The following TDRD5 variants were observed in gnomAD, a reference collection of about 807,000 sequenced individuals.
TDRD5 encodes the protein tudor domain-containing protein 5.
Under a neutral mutation model 120.6 loss-of-function variants are expected in TDRD5, and 41 were observed. The observed-to-expected ratio is 0.34, with a 90% CI of 0.26 to 0.44. TDRD5 has a LOEUF of 0.44. Among genes scored for constraint, TDRD5 ranks in the 20% least tolerant of loss-of-function variants. The pLI, the probability that TDRD5 is intolerant of heterozygous loss-of-function variation, is 1.00. For missense variants in TDRD5, 1,006 were observed against 1,221.2 expected (o/e 0.82, Z 2.63); for synonymous variants, 430 against 433.7 (o/e 0.99, Z 0.11).
Position 179,672,917 on chromosome 1 carries a change from T to C in TDRD5, c.2860+3513T>C, listed in dbSNP as rs1486857383. ...AATCAGTTGGCTGTAAGTATTTGGC[T>C]TTGTTTTTGGGTTCCCTATTCTGTT... On this transcript the variant is annotated intron_variant, in intron 17 of 17. Coordinates refer to ENST00000444136, the MANE Select transcript of TDRD5 (RefSeq NM_001199085.3). Among the ~76,000 whole-genome samples, 3 of 152,270 alleles carry C rather than the reference T, an allele frequency of 2.0e-5. No homozygotes were observed. The East Asian group carries it at 5.8e-4, about 29-fold the overall frequency.
In TDRD5 at chr1:179,675,285, T is replaced by TATCTTA. The variant is rs772166890; in HGVS notation, c.2860+5881_2860+5882insATCTTA. 4.9e-4 allele frequency among the ~76,000 whole-genome samples: 63 copies of TATCTTA among 128,442 alleles called. 2 individuals are homozygous for TATCTTA. In the East Asian group the frequency reaches 0.012, roughly 25 times the overall value. The allele number at this position is 128,442 out of a possible 152,430, so 84.3% of individuals were successfully genotyped here. A position where few individuals can be genotyped will look rare whatever the true frequency, so the allele number is the denominator to read the frequency against. ...TATTATTATTATTATTTTTTTTTTTTTTTTTTTTTTTTGAGACGGAGTCTC... is the reference window on the plus strand; with the variant it reads ...TATTATTATTATTATTTTTTTTTTTTATCTTATTTTTTTTTTTTGAGACGGAGTCTC... On this transcript the variant is annotated intron_variant, in intron 17 of 17. Coordinates refer to ENST00000444136, the MANE Select transcript of TDRD5 (RefSeq NM_001199085.3).
At chr1:179,685,775 T>C (rs1244402520) in intron 17 of TDRD5, among the ~76,000 whole-genome samples, 1 of 152,202 alleles carries the variant, frequency 6.6e-6, no homozygotes, top group Non-Finnish European at 1.5e-5. Flanking sequence ...GTAAATTGGA[T>C]TCCTAGGTAT....
chr1:179,667,161 G>T (rs1160879231), intron 16 of TDRD5, among the ~76,000 whole-genome samples: 1 of 152,200 alleles, frequency 6.6e-6, no homozygotes, highest in African/African-American at 2.4e-5. Context: ...CCACTTTTGA[G>T]TAGTAAGGCT....
chr1:179,690,343 T>C (rs1322471383), intron 17 of TDRD5, among the ~76,000 whole-genome samples: 1 of 152,224 alleles, frequency 6.6e-6, no homozygotes, highest in Non-Finnish European at 1.5e-5. Flanking sequence ...TTTAGCTTAG[T>C]GCTGGAAGGA....
chr1:179,640,505 A>C, intron 11 of TDRD5, 60 bp downstream of exon 11: 6 of 1,509,784 alleles, frequency 4.0e-6, no homozygotes, highest in Non-Finnish European at 4.6e-6. Context: ...ATGTGCCAAT[A>C]ACAGTTTCAC....
At chr1:179,592,390 T>A (rs1255343138) in intron 1 of TDRD5, 1 of 507,420 alleles carries the variant, frequency 2.0e-6, no homozygotes, top group Non-Finnish European at 3.6e-6. Context: ...AGGGGCAGAG[T>A]TCTTGACACC....
chr1:179,640,593 A>G, intron 11 of TDRD5, 148 bp downstream of exon 11: 1 of 807,300 alleles, frequency 1.2e-6, no homozygotes, highest in Non-Finnish European at 2.0e-6. Flanking sequence ...ATAGACATGT[A>G]GACAAAAATT....
chr1:179,615,513 A>G (rs1442155003), intron 4 of TDRD5, among the ~76,000 whole-genome samples: 1 of 152,124 alleles, frequency 6.6e-6, no homozygotes, highest in African/African-American at 2.4e-5. Context: ...TGAATATAGC[A>G]TATTTTATCA....
intron 4 of TDRD5, among the ~76,000 whole-genome samples, chr1:179,602,517 G>A (rs563695671): frequency 2.6e-5 from 4 of 152,080 alleles, no homozygotes; most frequent in African/African-American, 7.2e-5. Flanking sequence ...CAGGTCTTAG[G>A]TTTAAGTCCT....
chr1:179,630,192 T>A (rs35061972), intron 6 of TDRD5, among the ~76,000 whole-genome samples: 2 of 151,802 alleles, frequency 1.3e-5, no homozygotes, highest in African/African-American at 2.4e-5. Flanking sequence ...AGAGATGGGG[T>A]TTCACCGTGT....
At chr1:179,658,106 C>A (rs1002489923) in intron 14 of TDRD5, among the ~76,000 whole-genome samples, 1 of 152,152 alleles carries the variant, frequency 6.6e-6, no homozygotes, top group Non-Finnish European at 1.5e-5. Flanking sequence ...TATCTGGCTT[C>A]TTTCATGTAA....
chr1:179,659,787 T>A (rs1001218817), intron 14 of TDRD5, among the ~76,000 whole-genome samples: 1 of 152,030 alleles, frequency 6.6e-6, no homozygotes, highest in Non-Finnish European at 1.5e-5. Context: ...AACCTCCACC[T>A]CTTGGGTTCA....
At chr1:179,652,260 A>G (rs1186310712) in intron 13 of TDRD5, 63 bp downstream of exon 13, 2 of 1,473,228 alleles carry the variant, frequency 1.4e-6, no homozygotes, top group Admixed American at 2.7e-5. Flanking sequence ...ATTTTTTTAG[A>G]TGAAGAAACC....
intron 15 of TDRD5, among the ~76,000 whole-genome samples, chr1:179,662,686 A>T (rs1045977640): frequency 2.0e-5 from 3 of 152,216 alleles, no homozygotes; most frequent in Non-Finnish European, 4.4e-5. Context: ...TATATTCTGG[A>T]ATTCAAAAGT....
intron 3 of TDRD5, among the ~76,000 whole-genome samples, chr1:179,594,513 C>T (rs1235908316): frequency 6.6e-6 from 1 of 152,194 alleles, no homozygotes; most frequent in African/African-American, 2.4e-5. Context: ...CTTATTGCTG[C>T]CCATCCAGTG....
chr1:179,605,810 T>G (rs948325448), intron 4 of TDRD5, among the ~76,000 whole-genome samples: 1 of 152,182 alleles, frequency 6.6e-6, no homozygotes, highest in Non-Finnish European at 1.5e-5. Context: ...CATTTCTTCT[T>G]GGCACTGAGT....
chr1:179,625,876 A>C (rs1677095119), intron 6 of TDRD5, among the ~76,000 whole-genome samples: 1 of 152,146 alleles, frequency 6.6e-6, no homozygotes, highest in Non-Finnish European at 1.5e-5. Context: ...ATGGAATACT[A>C]TGCAGCCATA....
Position 179,633,953 on chromosome 1 carries a change from C to T in TDRD5, c.1127-504C>T, listed in dbSNP as rs555130868. Among the ~76,000 whole-genome samples the T allele has an allele frequency of 5.9e-5, 9 of 151,804 alleles. No homozygotes were observed. The East Asian group carries it at 9.8e-4, about 17-fold the overall frequency. On this transcript the variant is annotated intron_variant, in intron 7 of 17. Coordinates refer to ENST00000444136, the MANE Select transcript of TDRD5 (RefSeq NM_001199085.3). ...TTGGGAGGCCGAGGCGGGCAGATCA[C>T]GAGGTCAGGAGATAGAGACCATCCT...
At chr1:179,598,446 T>TA (rs1160144584) in intron 4 of TDRD5, among the ~76,000 whole-genome samples, 1 of 152,224 alleles carries the variant, frequency 6.6e-6, no homozygotes, top group Non-Finnish European at 1.5e-5. Flanking sequence ...GATCTATAGA[T>TA]ATGTTTGGGG....
Sources: allele counts gnomAD v4.1 joint callset (sites outside exome capture counted in the v4.1 genomes callset), GRCh38; gene constraint gnomAD v4.1.1; transcripts MANE v1.5; gene names NCBI Gene and HGNC (gene_info 2026-07-23, HGNC 2026-07-21).